TBC1D5: variants seen among roughly 807,000 people sequenced by gnomAD.
TBC1D5 encodes the protein TBC1 domain family, member 5.
TBC1D5 carries 75 observed loss-of-function variants against 100.3 expected under a neutral mutation model. The ratio of observed to expected loss-of-function variants is 0.75; its 90% CI spans 0.62 to 0.91. The LOEUF is 0.91. Ranked by LOEUF, TBC1D5 falls within the 40% of genes least tolerant of loss-of-function variation. The pLI is 0.00. For missense variants in TBC1D5, 910 were observed against 942.4 expected, an observed-to-expected ratio of 0.97 and a Z score of 0.45; for synonymous variants, 323 against 325.6, an observed-to-expected ratio of 0.99 and a Z score of 0.09.
chr3:17,604,885 A>G (rs960238425), intron 2 of TBC1D5, among the ~76,000 whole-genome samples: 1 of 152,150 alleles, frequency 6.6e-6, no homozygotes, highest in African/African-American at 2.4e-5. Flanking sequence ...CATGTTGGCC[A>G]GGCTGGACTC....
intron 13 of TBC1D5, among the ~76,000 whole-genome samples, chr3:17,354,092 A>G (rs1385027518): frequency 6.6e-6 from 1 of 152,152 alleles, no homozygotes; most frequent in Non-Finnish European, 1.5e-5. Flanking sequence ...CTACATACAC[A>G]TGGGCACATT....
chr3:17,364,788 GCTT>G (rs1339803930), intron 13 of TBC1D5, among the ~76,000 whole-genome samples: 1 of 151,978 alleles, frequency 6.6e-6, no homozygotes, highest in Admixed American at 6.6e-5. Flanking sequence ...TCTCATTGCT[GCTT>G]CTTATTATGA....
intron 18 of TBC1D5, among the ~76,000 whole-genome samples, chr3:17,200,349 T>C (rs2071307152): frequency 6.6e-6 from 1 of 152,164 alleles, no homozygotes; most frequent in African/African-American, 2.4e-5. Flanking sequence ...TGCTGCACAG[T>C]AGGAGGTGAG....
At chr3:17,324,362 G>A (rs1318376353) in intron 13 of TBC1D5, among the ~76,000 whole-genome samples, 1 of 152,086 alleles carries the variant, frequency 6.6e-6, no homozygotes, top group Non-Finnish European at 1.5e-5. Context: ...ATGAAAATAG[G>A]CCCGGTGTGG....
At chr3:17,284,577 G>A (rs2149999406) in intron 15 of TBC1D5, among the ~76,000 whole-genome samples, 1 of 152,194 alleles carries the variant, frequency 6.6e-6, no homozygotes, top group East Asian at 1.9e-4. Context: ...ATAAGGACTG[G>A]TTAAATTAAT....
chr3:17,266,012 A>G (rs1173676249), intron 15 of TBC1D5, among the ~76,000 whole-genome samples: 1 of 152,074 alleles, frequency 6.6e-6, no homozygotes, highest in African/African-American at 2.4e-5. Context: ...TCCTAAGGAG[A>G]CAGTTTGTTG....
Position 17,734,879 on chromosome 3 carries a change from C to T in TBC1D5, c.-101+4464G>A, listed in dbSNP as rs138722539. Among the ~76,000 whole-genome samples the T allele has an allele frequency of 8.6e-3, 1,297 of 151,526 alleles. 48 individuals carry two copies. Among genetic ancestry groups the T allele is most frequent in the Admixed American group, 0.06 (910 of 15,186 alleles). On this transcript the variant is annotated intron_variant, in intron 1 of 21. Transcript: ENST00000253692. ...TGTGGGAGGATAGCTTGAGCCCCGACGTTTGAGACCAGCCTGGGCAACATA... is the reference window on the plus strand; with the variant it reads ...TGTGGGAGGATAGCTTGAGCCCCGATGTTTGAGACCAGCCTGGGCAACATA...
At chr3:17,677,774 A>T (rs918147367) in intron 1 of TBC1D5, among the ~76,000 whole-genome samples, 1 of 152,252 alleles carries the variant, frequency 6.6e-6, no homozygotes, top group African/African-American at 2.4e-5. Flanking sequence ...AGACTGAATT[A>T]AGAAAATGTG....
intron 1 of TBC1D5, among the ~76,000 whole-genome samples, chr3:17,680,395 T>A (rs2069289202): frequency 6.6e-6 from 1 of 150,920 alleles, no homozygotes. Flanking sequence ...TGATTTTTTT[T>A]ATTTTTATAT....
intron 2 of TBC1D5, among the ~76,000 whole-genome samples, chr3:17,539,517 A>C (rs1454069192): frequency 6.6e-6 from 1 of 151,436 alleles, no homozygotes; most frequent in Non-Finnish European, 1.5e-5. Context: ...AGGGCCTGCT[A>C]TCTGTCATGT....
chr3:17,693,447 G>A (rs2071481287), intron 1 of TBC1D5, among the ~76,000 whole-genome samples: 1 of 152,240 alleles, frequency 6.6e-6, no homozygotes, highest in East Asian at 1.9e-4. Context: ...GCCTGGCTCG[G>A]TGGTTCCCAC....
chr3:17,372,055 C>CAAACAAACAAACAAAA lies in TBC1D5; in HGVS notation c.995+19_995+20insTTTTGTTTGTTTGTTT, dbSNP rs778056790. On this transcript the variant is annotated intron_variant, in intron 13 of 21. Coordinates refer to ENST00000253692, the Ensembl canonical transcript of TBC1D5. ...CTGTCTCAAAAAACAAACAAACAAA[C>CAAACAAACAAACAAAA]AAAGAACTTTAATACTTACAACCCA... The CAAACAAACAAACAAAA allele has an allele frequency of 6.3e-7, 1 of 1,585,738 alleles. No homozygotes were observed.
intron 13 of TBC1D5, among the ~76,000 whole-genome samples, chr3:17,366,888 T>G (rs2092168495): frequency 6.6e-6 from 1 of 152,124 alleles, no homozygotes; most frequent in Admixed American, 6.5e-5. Flanking sequence ...CCAATTAAAT[T>G]ACAATAAACT....
At chr3:17,664,755 A>C (rs995962861) in intron 1 of TBC1D5, among the ~76,000 whole-genome samples, 1 of 152,220 alleles carries the variant, frequency 6.6e-6, no homozygotes, top group Non-Finnish European at 1.5e-5. Context: ...CTACCACTGT[A>C]CCAGTTAAGG....
At chr3:17,550,792 G>A (rs1421336568) in intron 2 of TBC1D5, among the ~76,000 whole-genome samples, 1 of 152,014 alleles carries the variant, frequency 6.6e-6, no homozygotes, top group African/African-American at 2.4e-5. Context: ...ACATATCTGT[G>A]AACATCACCA....
intron 1 of TBC1D5, among the ~76,000 whole-genome samples, chr3:17,642,253 C>CA (rs2064582916): frequency 6.6e-6 from 1 of 152,078 alleles, no homozygotes; most frequent in African/African-American, 2.4e-5. Context: ...GGCACACCTC[C>CA]AGGAGGCACC....
intron 3 of TBC1D5, among the ~76,000 whole-genome samples, chr3:17,478,818 T>C (rs2095469324): frequency 6.6e-6 from 1 of 152,160 alleles, no homozygotes; most frequent in Non-Finnish European, 1.5e-5. Flanking sequence ...TGCTGGAGGA[T>C]GAGACATGTA....
At chr3:17,167,137 G>C (rs1331865270) in intron 20 of TBC1D5, among the ~76,000 whole-genome samples, 1 of 152,152 alleles carries the variant, frequency 6.6e-6, no homozygotes, top group Non-Finnish European at 1.5e-5. Context: ...AAAAACGTCA[G>C]GACATTTAAT....
intron 19 of TBC1D5, 143 bp from the exon 21 acceptor site, chr3:17,167,971 G>T: frequency 1.6e-6 from 1 of 632,634 alleles, no homozygotes; most frequent in South Asian, 2.0e-5. Context: ...TGCAAACTGC[G>T]GATGGGGAAG....
Sources: gnomAD v4.1 joint callset for allele counts (sites outside exome capture counted in the v4.1 genomes callset) on GRCh38, gnomAD v4.1.1 for gene constraint, MANE v1.5 for transcripts, NCBI Gene and HGNC (gene_info 2026-07-23, HGNC 2026-07-21) for gene names.